The following ZNF480 variants were observed in gnomAD, a reference collection of about 807,000 sequenced individuals.
ZNF480 encodes the protein zinc finger protein 480.
A neutral mutation model predicts 14.4 loss-of-function variants in ZNF480; 15 were observed. The observed-to-expected ratio is 1.04, with a 90% CI of 0.70 to 1.60. The LOEUF is 1.60. Ranked by LOEUF, ZNF480 falls within the 40% of genes most tolerant of loss-of-function variation. The probability of loss-of-function intolerance (pLI) is 0.00; values close to 1 mark genes in which losing one functional copy is unlikely to be tolerated. For missense variants in ZNF480, 593 were observed against 629.7 expected (o/e 0.94, Z 0.62); for synonymous variants, 218 against 215.5 (o/e 1.01, Z -0.10).
chr19:52,310,734 C>T (rs1201676880), intron 2 of ZNF480, among the ~76,000 whole-genome samples: 14 of 151,788 alleles, frequency 9.2e-5, no homozygotes, highest in Admixed American at 8.5e-4. Context: ...GTCATGGTGG[C>T]TCATGCCTGT....
At chr19:52,298,135 GGA>G (rs1341029085) in intron 1 of ZNF480, among the ~76,000 whole-genome samples, 1 of 152,032 alleles carries the variant, frequency 6.6e-6, no homozygotes, top group Non-Finnish European at 1.5e-5. Flanking sequence ...TGAGAGTGGG[GGA>G]GAGGGGGAGG....
At chr19:52,314,963 A>T (rs762563147) in intron 3 of ZNF480, among the ~76,000 whole-genome samples, 28 of 152,042 alleles carry the variant, frequency 1.8e-4, no homozygotes, top group Admixed American at 5.9e-4. Context: ...AAGTATGCAT[A>T]AAACCTTTTT....
At chr19:52,312,523 T>C (rs1266633606) in intron 2 of ZNF480, among the ~76,000 whole-genome samples, 1 of 152,202 alleles carries the variant, frequency 6.6e-6, no homozygotes, top group Non-Finnish European at 1.5e-5. Flanking sequence ...TTTTCTTAGG[T>C]AATTGTCAAT....
chr19:52,303,796 T>C (rs1982803299), intron 2 of ZNF480, among the ~76,000 whole-genome samples: 1 of 152,168 alleles, frequency 6.6e-6, no homozygotes, highest in Non-Finnish European at 1.5e-5. Flanking sequence ...CTAGAGCAGG[T>C]TGTATCCAAT....
chr19:52,316,969 C>A (rs529716013), intron 4 of ZNF480, among the ~76,000 whole-genome samples: 12 of 152,276 alleles, frequency 7.9e-5, no homozygotes, highest in East Asian at 1.9e-4. Context: ...ACCTGCATTG[C>A]GCCCACCTTT....
Position 52,300,450 on chromosome 19 carries a change from G to A in ZNF480, c.38G>A (p.Arg13Lys), listed in dbSNP as rs750476824. The A allele has an allele frequency of 8.7e-6, 14 of 1,613,160 alleles. No homozygotes were observed. Among genetic ancestry groups the A allele is most frequent in the Non-Finnish European group, 1.2e-5 (14 of 1,179,816 alleles). ...GAAAAAGCCCAGAAGAGAAGGAAGA[G>A]GAAAGCAAAGGAGTCAGGGATGGCT... is the stretch of plus-strand genomic sequence containing the variant. ...CDEKAQKRRKRKAKESGMALP... is the reference protein window; with the variant it reads ...CDEKAQKRRKKKAKESGMALP... The change falls in exon 2 of 5, where the codon AGG (arginine) becomes AAG (lysine). Residue 13 changes from arginine to lysine, a missense_variant. By Grantham distance (26) the Arg-to-Lys change is conservative (BLOSUM62 2). Coordinates refer to ENST00000595962, the MANE Select transcript of ZNF480 (RefSeq NM_144684.4).
intron 3 of ZNF480, among the ~76,000 whole-genome samples, chr19:52,315,615 C>G (rs1983514980): frequency 6.6e-6 from 1 of 152,110 alleles, no homozygotes; most frequent in East Asian, 1.9e-4. Flanking sequence ...GCCACCACGC[C>G]CAGCCTCTAC....
intron 2 of ZNF480, among the ~76,000 whole-genome samples, chr19:52,310,374 T>C (rs1193180754): frequency 6.6e-6 from 1 of 152,202 alleles, no homozygotes; most frequent in African/African-American, 2.4e-5. Flanking sequence ...ATATTCTTAT[T>C]AGTTAATATG....
In ZNF480 at chr19:52,321,919, A is replaced by T; in HGVS notation, c.669A>T (p.Val223=). The T allele has an allele frequency of 6.2e-7, 1 of 1,614,148 alleles. No homozygotes were observed. The highest frequency in any genetic ancestry group is 2.2e-5 in the East Asian group (1 of 44,866). The part of the protein sequence containing the change: ...RVSSSLTKHQ[V]IHTVEKPYKC... ...CTTCCAGCCTTACTAAACATCAAGT[A>T]ATCCATACTGTAGAGAAACCTTACA... is the stretch of plus-strand genomic sequence containing the variant. Residue 223 remains valine, a synonymous_variant, in exon 5 of 5, where the codon GTA becomes GTT. Transcript: ENST00000595962.
chr19:52,297,328 C>T (rs1982449435), intron 1 of ZNF480, 105 bp downstream of exon 1: 1 of 393,948 alleles, frequency 2.5e-6, no homozygotes, highest in East Asian at 1.3e-4. Context: ...CGCACCGCTC[C>T]CTCTACCCCG....
chr19:52,325,246 G>A lies in ZNF480; in HGVS notation c.*2388G>A, dbSNP rs1038249912. On this transcript the variant is annotated 3_prime_UTR_variant, in exon 5 of 5. Transcript: ENST00000595962. The stretch of plus-strand genomic sequence containing the variant: ...AGACCTGTCTGAATGGGTATTATCA[G>A]AATGGGTATTATTAAAAAATCAAAA... 1 of 152,146 alleles carries A rather than the reference G, an allele frequency of 6.6e-6. No homozygotes were observed. Among genetic ancestry groups the A allele is most frequent in the Non-Finnish European group, 1.5e-5 (1 of 68,014 alleles). The allele number at this position is 152,146 out of a possible 1,614,324, so 9.4% of individuals were successfully genotyped here. A position where few individuals can be genotyped will look rare whatever the true frequency, so the allele number is the denominator to read the frequency against.
chr19:52,304,914 T>C (rs1982856403), intron 2 of ZNF480, among the ~76,000 whole-genome samples: 1 of 151,948 alleles, frequency 6.6e-6, no homozygotes, highest in Non-Finnish European at 1.5e-5. Context: ...CTGGCCAACA[T>C]GGTGAAACCC....
chr19:52,300,462 A>T lies in ZNF480; in HGVS notation c.50A>T (p.Glu17Val). The T allele has an allele frequency of 6.2e-7, 1 of 1,612,982 alleles. No individual in the cohort carries two copies. Among genetic ancestry groups the T allele is most frequent in the Non-Finnish European group, 8.5e-7 (1 of 1,179,782 alleles). Residue 17 changes from glutamate (E) to valine (V), a missense_variant, in exon 2 of 5, where the codon GAG (glutamate) becomes GTG (valine). Physicochemically the swap from Glu to Val is moderately radical, Grantham distance 121 (BLOSUM62 -2). Transcript: ENST00000595962. ...AQKRRKRKAK[E>V]SGMALPQGHL... Reference sequence around the variant, plus strand: ...AAGAGAAGGAAGAGGAAAGCAAAGGAGTCAGGGATGGCTCTTCCTCAGGTG... The same window carrying T: ...AAGAGAAGGAAGAGGAAAGCAAAGGTGTCAGGGATGGCTCTTCCTCAGGTG...
intron 2 of ZNF480, chr19:52,301,431 T>C (rs553599952): frequency 1.2e-4 from 18 of 152,334 alleles, no homozygotes; most frequent in African/African-American, 4.1e-4. Flanking sequence ...GTCTCTTAAC[T>C]CTTTCCTACT....
chr19:52,315,502 G>T (rs1226311627), intron 3 of ZNF480, among the ~76,000 whole-genome samples: 1 of 151,226 alleles, frequency 6.6e-6, no homozygotes, highest in Non-Finnish European at 1.5e-5. Context: ...TGTATTTTTA[G>T]TAGAGACCGA....
chr19:52,322,297 C>T lies in ZNF480; in HGVS notation c.1047C>T (p.Gly349=). Reference sequence around the variant, plus strand: ...AGCCTTACAAATGTGATGAATGTGGCAAGGCCTTCTATAGGATTGCGCTCC... The same window carrying T: ...AGCCTTACAAATGTGATGAATGTGGTAAGGCCTTCTATAGGATTGCGCTCC... The part of the protein sequence containing the change: ...GEKPYKCDEC[G]KAFYRIALLV... Residue 349 remains glycine, a synonymous_variant, in exon 5 of 5, where the codon GGC becomes GGT. Coordinates refer to ENST00000595962, the MANE Select transcript of ZNF480 (RefSeq NM_144684.4). 1 of 1,613,418 alleles carries T rather than the reference C, an allele frequency of 6.2e-7. No homozygotes were observed. The highest frequency in any genetic ancestry group is 1.3e-5 in the African/African-American group (1 of 74,824).
rs1329913916 is a variant in ZNF480 at position 52,324,893 on chromosome 19, C to T, written c.*2035C>T. 2.0e-5 allele frequency: 3 copies of T among 152,228 alleles called. No homozygotes were observed. The highest frequency in any genetic ancestry group is 7.2e-5 in the African/African-American group (3 of 41,548). 9.4% of individuals were successfully genotyped at this position (152,228 alleles called of 1,614,324 possible). On this transcript the variant is annotated 3_prime_UTR_variant, in exon 5 of 5. Coordinates refer to ENST00000595962, the MANE Select transcript of ZNF480 (RefSeq NM_144684.4). ...GCTGGAAAAGACTTAATGATGAACA[C>T]CCCAAAGCAATTGCAACAAAAACAA...
intron 1 of ZNF480, among the ~76,000 whole-genome samples, chr19:52,299,291 A>T (rs1278153523): frequency 1.8e-4 from 27 of 152,344 alleles, no homozygotes; most frequent in African/African-American, 6.3e-4. Flanking sequence ...CTGATGAACA[A>T]AATGTGTGGG....
chr19:52,300,660 C>T (rs1365190691), intron 2 of ZNF480, 176 bp downstream of exon 2: 5 of 1,057,952 alleles, frequency 4.7e-6, no homozygotes, highest in Non-Finnish European at 6.8e-6. Flanking sequence ...AACCTAGTGG[C>T]ACTAGAGGAA....
Sources: allele counts gnomAD v4.1 joint callset (sites outside exome capture counted in the v4.1 genomes callset), GRCh38; gene constraint gnomAD v4.1.1; transcripts MANE v1.5; gene names NCBI Gene and HGNC (gene_info 2026-07-23, HGNC 2026-07-21).